Variants in NRG3 observed in about 807,000 individuals in gnomAD.
The protein encoded by NRG3 is neuregulin 3.
Under a neutral mutation model 66.9 loss-of-function variants are expected in NRG3, and 31 were observed. The observed-to-expected ratio is 0.46, with a 90% CI of 0.35 to 0.63. The LOEUF (loss-of-function observed/expected upper bound fraction) is 0.63, where lower values mean the gene tolerates loss of function less well. Ranked by LOEUF, NRG3 falls within the 20% of genes least tolerant of loss-of-function variation. The probability of loss-of-function intolerance (pLI) is 0.00; values close to 1 mark genes in which losing one functional copy is unlikely to be tolerated. For missense variants in NRG3, 910 were observed against 878.9 expected (o/e 1.04, Z -0.45); for synonymous variants, 393 against 359.4 (o/e 1.09, Z -1.06).
At chr10:81,910,850 A>G (rs1345362755) in intron 1 of NRG3, among the ~76,000 whole-genome samples, 1 of 151,996 alleles carries the variant, frequency 6.6e-6, no homozygotes, top group Non-Finnish European at 1.5e-5. Flanking sequence ...TAGAGAAAGA[A>G]TCTTGCAATG....
chr10:82,375,006 A>G (rs1332339934), intron 2 of NRG3, among the ~76,000 whole-genome samples: 5 of 152,156 alleles, frequency 3.3e-5, no homozygotes, highest in Admixed American at 6.5e-5. Context: ...TTAAAAGCCA[A>G]CTGTTTCCAC....
chr10:82,069,183 G>C lies in NRG3; in HGVS notation c.823+193020G>C, dbSNP rs559334946. 3.9e-5 allele frequency among the ~76,000 whole-genome samples: 6 copies of C among 152,202 alleles called. 1 individual carries two copies. Among genetic ancestry groups the C allele is most frequent in the Admixed American group, 3.9e-4 (6 of 15,276 alleles). ...TTAGATGGCTGTGCAGGCCTACTAGGGTGCAGATGGATTGGATAGGGGTCA... is the reference window on the plus strand; with the variant it reads ...TTAGATGGCTGTGCAGGCCTACTAGCGTGCAGATGGATTGGATAGGGGTCA... On this transcript the variant is annotated intron_variant, in intron 1 of 8. Transcript: ENST00000372141.
rs11193212 is a variant in NRG3, at chr10:82,256,567, T to A, written c.824-102172T>A. On this transcript the variant is annotated intron_variant, in intron 1 of 8. Coordinates refer to ENST00000372141, the MANE Select transcript of NRG3 (RefSeq NM_001010848.4). ...TCTCTACCTCTGTGTTTGCTCACAC[T>A]CTTGCTCTCTATCCTGCTGCTCTAC... is the stretch of plus-strand genomic sequence containing the variant. Among the ~76,000 whole-genome samples, 1,217 of 152,324 alleles carry A rather than the reference T, an allele frequency of 8.0e-3. 17 individuals are homozygous for A. Among genetic ancestry groups the A allele is most frequent in the African/African-American group, 0.027 (1,108 of 41,566 alleles).
intron 1 of NRG3, among the ~76,000 whole-genome samples, chr10:82,354,096 G>A (rs2083617307): frequency 2.8e-5 from 4 of 144,946 alleles, no homozygotes; most frequent in Admixed American, 7.2e-5. Context: ...GTGCAGTGGC[G>A]CAATACCAGC....
At chr10:82,600,233 C>G (rs1264230953) in intron 2 of NRG3, among the ~76,000 whole-genome samples, 1 of 152,142 alleles carries the variant, frequency 6.6e-6, no homozygotes, top group Non-Finnish European at 1.5e-5. Flanking sequence ...AGCTAGAAAT[C>G]TGCACTCAAG....
chr10:82,432,863 A>G (rs1458599706), intron 2 of NRG3, among the ~76,000 whole-genome samples: 1 of 152,140 alleles, frequency 6.6e-6, no homozygotes. Flanking sequence ...CCAGTCTATC[A>G]TTGATGGGCT....
At chr10:81,899,760 C>CAT (rs1336981248) in intron 1 of NRG3, among the ~76,000 whole-genome samples, 2,865 of 152,232 alleles carry the variant, frequency 0.019, 81 homozygotes, top group African/African-American at 0.063. Context: ...AGGCTGTCCA[C>CAT]CTTTAGGCAT....
intron 4 of NRG3, among the ~76,000 whole-genome samples, chr10:82,877,142 TAGAA>T (rs1213734072): frequency 6.6e-6 from 1 of 151,996 alleles, no homozygotes; most frequent in Non-Finnish European, 1.5e-5. Context: ...GTCAGCTTAA[TAGAA>T]AGGGGAAGAA....
intron 1 of NRG3, among the ~76,000 whole-genome samples, chr10:81,920,438 C>T (rs1846151000): frequency 6.6e-6 from 1 of 152,238 alleles, no homozygotes; most frequent in African/African-American, 2.4e-5. Context: ...CCTCTAGTCT[C>T]CTTCCTTCTA....
chr10:82,548,523 T>TCACA (rs59459683), intron 2 of NRG3, among the ~76,000 whole-genome samples: 3,702 of 139,538 alleles, frequency 0.027, 68 homozygotes, highest in Non-Finnish European at 0.042. Context: ...ATTCTGTCTC[T>TCACA]CACACACACA....
At chr10:82,513,941 A>T (rs1337588187) in intron 2 of NRG3, among the ~76,000 whole-genome samples, 1 of 152,082 alleles carries the variant, frequency 6.6e-6, no homozygotes, top group Non-Finnish European at 1.5e-5. Flanking sequence ...ATCATCAATA[A>T]TGTTGACCTT....
chr10:82,943,332 G>A (rs765935093), intron 4 of NRG3, among the ~76,000 whole-genome samples: 5 of 152,162 alleles, frequency 3.3e-5, no homozygotes, highest in African/African-American at 4.8e-5. Flanking sequence ...GCATAACCAC[G>A]GACCACACTG....
chr10:82,869,324 C>G (rs1337421290), intron 4 of NRG3, among the ~76,000 whole-genome samples: 2 of 152,098 alleles, frequency 1.3e-5, no homozygotes, highest in African/African-American at 4.8e-5. Context: ...TGAAGATCTC[C>G]TACAATAGAG....
chr10:82,207,694 T>C (rs895086541), intron 1 of NRG3, among the ~76,000 whole-genome samples: 1 of 152,106 alleles, frequency 6.6e-6, no homozygotes, highest in Non-Finnish European at 1.5e-5. Flanking sequence ...CACACAATCA[T>C]GGCGAAAGGG....
intron 1 of NRG3, among the ~76,000 whole-genome samples, chr10:82,260,268 A>T (rs2077955512): frequency 6.6e-6 from 1 of 152,216 alleles, no homozygotes; most frequent in Non-Finnish European, 1.5e-5. Flanking sequence ...GGTGGAACCT[A>T]TAATAGTGGT....
intron 2 of NRG3, among the ~76,000 whole-genome samples, chr10:82,642,999 C>T (rs542527664): frequency 2.8e-4 from 42 of 151,984 alleles, no homozygotes; most frequent in East Asian, 1.2e-3. Context: ...AATTTTAGGG[C>T]GGAAGGTAGC....
At chr10:82,644,083 A>G (rs1418593671) in intron 2 of NRG3, among the ~76,000 whole-genome samples, 2 of 152,080 alleles carry the variant, frequency 1.3e-5, no homozygotes, top group East Asian at 1.9e-4. Context: ...AAATCTTCCA[A>G]TCTTCTGCCT....
At chr10:82,018,037 A>G (rs1342104495) in intron 1 of NRG3, among the ~76,000 whole-genome samples, 1 of 151,726 alleles carries the variant, frequency 6.6e-6, no homozygotes, top group East Asian at 1.9e-4. Flanking sequence ...TGAATTGCCT[A>G]GGCTTTCTTC....
chr10:82,161,631 G>A (rs2071609939), intron 1 of NRG3, among the ~76,000 whole-genome samples: 1 of 152,064 alleles, frequency 6.6e-6, no homozygotes, highest in African/African-American at 2.4e-5. Context: ...GGAGTTGCTG[G>A]ATTTCCAGTC....
Sources: allele counts gnomAD v4.1 joint callset (sites outside exome capture counted in the v4.1 genomes callset), GRCh38; gene constraint gnomAD v4.1.1; transcripts MANE v1.5; gene names NCBI Gene and HGNC (gene_info 2026-07-23, HGNC 2026-07-21).